The following KAT6A variants were observed in gnomAD, a reference collection of about 807,000 sequenced individuals.
KAT6A encodes lysine acetyltransferase 6A.
A neutral mutation model predicts 198.4 loss-of-function variants in KAT6A; 9 were observed. The ratio of observed to expected loss-of-function variants is 0.05; its 90% CI spans 0.03 to 0.08. The LOEUF is 0.08. Among genes scored for constraint, KAT6A ranks in the 10% least tolerant of loss-of-function variants. The probability of loss-of-function intolerance (pLI) is 1.00; values close to 1 mark genes in which losing one functional copy is unlikely to be tolerated. For synonymous variants in KAT6A, 890 were observed against 883.0 expected (o/e 1.01, Z -0.14); for missense variants, 2,077 against 2,509.9 (o/e 0.83, Z 3.69).
intron 8 of KAT6A, chr8:41,957,432 T>C (rs192292722): frequency 5.4e-6 from 2 of 372,222 alleles, no homozygotes; most frequent in African/African-American, 2.1e-5. Context: ...CAAACTGTCA[T>C]ATCTGAACTA....
In KAT6A at chr8:41,943,944, A is replaced by C. The variant is rs1253824009; in HGVS notation, c.2032T>G (p.Ser678Ala). The part of the protein sequence containing the change: ...LLSKREGQAG[S>A]PEKPLSDLGR... ...AGATCAGATAACGGTTTCTCTGGAG[A>C]CCCTGCTTGGCCTTCACGCTTTGAT... Residue 678 changes from serine (S) to alanine (A), a missense_variant, in exon 13 of 17, where the codon TCT (serine) becomes GCT (alanine). This residue lies in a region of KAT6A where 127 missense variants were observed against 209.6 expected (regional missense o/e 0.61). Transcript: ENST00000265713. 2 of 1,613,846 alleles carry C rather than the reference A, an allele frequency of 1.2e-6. No individual in the cohort carries two copies. The highest frequency in any genetic ancestry group is 1.7e-6 in the Non-Finnish European group (2 of 1,179,938).
chr8:42,019,951 T>C (rs1247448335), intron 2 of KAT6A, among the ~76,000 whole-genome samples: 1 of 152,214 alleles, frequency 6.6e-6, no homozygotes, highest in East Asian at 1.9e-4. Flanking sequence ...ATGTATAATA[T>C]ATTCTCAGGG....
chr8:41,959,959 A>G (rs1823111770), intron 8 of KAT6A, among the ~76,000 whole-genome samples: 3 of 151,592 alleles, frequency 2.0e-5, no homozygotes, highest in Admixed American at 1.3e-4. Context: ...CTGTCTTTAA[A>G]GAAAAAAAAA....
chr8:41,998,726 G>T (rs1386120943), intron 2 of KAT6A, among the ~76,000 whole-genome samples: 1 of 151,884 alleles, frequency 6.6e-6, no homozygotes, highest in East Asian at 1.9e-4. Flanking sequence ...TATCTGGGTG[G>T]ACTTTAATCT....
chr8:41,934,493 C>A lies in KAT6A; in HGVS notation c.3727G>T (p.Asp1243Tyr). The A allele has an allele frequency of 6.2e-7, 1 of 1,611,892 alleles. No individual in the cohort carries two copies. The highest frequency in any genetic ancestry group is 2.2e-5 in the East Asian group (1 of 44,850). ...AEEAEEGEEE[D>Y]AASSEVPAAS... ...GCTGGGACTTCACTGCTGGCTGCAT[C>A]CTCTTCCTCACCCTCTTCAGCCTCT... Residue 1243 changes from aspartate to tyrosine, a missense_variant, in exon 17 of 17, where the codon GAT (aspartate) becomes TAT (tyrosine). This residue lies in a region of KAT6A where 375 missense variants were observed against 383.0 expected (regional missense o/e 0.98). Transcript: ENST00000265713.
intron 2 of KAT6A, among the ~76,000 whole-genome samples, chr8:41,993,067 C>T (rs577093703): frequency 6.6e-6 from 1 of 152,302 alleles, no homozygotes; most frequent in African/African-American, 2.4e-5. Flanking sequence ...CTCTATGTCC[C>T]TGTATATTCC....
intron 2 of KAT6A, among the ~76,000 whole-genome samples, chr8:42,011,717 G>A (rs1826025398): frequency 6.6e-6 from 1 of 151,686 alleles, no homozygotes; most frequent in South Asian, 2.1e-4. Context: ...TCCAGCCTGG[G>A]CAACAAGAGT....
chr8:41,980,962 C>T, intron 4 of KAT6A, 35 bp from the exon 5 acceptor site: 1 of 1,384,222 alleles, frequency 7.2e-7, no homozygotes, highest in Non-Finnish European at 1.0e-6. Context: ...TTTGCTTAAC[C>T]TTATGAAGCA....
chr8:41,947,127 A>T (rs1198866159), intron 11 of KAT6A, among the ~76,000 whole-genome samples: 1 of 152,232 alleles, frequency 6.6e-6, no homozygotes, highest in South Asian at 2.1e-4. Flanking sequence ...AACTTTACAC[A>T]AAATAGTCAC....
chr8:41,941,575 T>A, intron 14 of KAT6A, 131 bp from the exon 15 acceptor site: 1 of 887,234 alleles, frequency 1.1e-6, no homozygotes, highest in Non-Finnish European at 1.7e-6. Context: ...ATCAGTTATT[T>A]AACATGGATA....
chr8:41,974,712 C>G lies in KAT6A; in HGVS notation c.1474G>C (p.Ala492Pro). ...TGAATATCCAACTTTACCTGCAGTGCTTGTTCTTGGATATCACGAAATAAT... is the reference window on the plus strand; with the variant it reads ...TGAATATCCAACTTTACCTGCAGTGGTTGTTCTTGGATATCACGAAATAAT... Reference protein sequence around the residue: ...MELFRDIQEQALQKVGVTGPP... With the variant: ...MELFRDIQEQPLQKVGVTGPP... Residue 492 changes from alanine to proline, a missense_variant, in exon 8 of 17, where the codon GCA becomes CCA. By Grantham distance (27) the Ala-to-Pro change is conservative (BLOSUM62 -1). This residue lies in a region of KAT6A where 206 missense variants were observed against 214.9 expected (regional missense o/e 0.96). Coordinates refer to ENST00000265713, the MANE Select transcript of KAT6A (RefSeq NM_006766.5). 1 of 1,599,722 alleles carries G rather than the reference C, an allele frequency of 6.3e-7. No individual in the cohort carries two copies. Among genetic ancestry groups the G allele is most frequent in the Non-Finnish European group, 8.6e-7 (1 of 1,169,394 alleles).
intron 3 of KAT6A, among the ~76,000 whole-genome samples, chr8:41,986,428 T>C (rs1286222089): frequency 6.6e-6 from 1 of 152,210 alleles, no homozygotes; most frequent in Non-Finnish European, 1.5e-5. Flanking sequence ...CCTGGTTCTA[T>C]TCATCAAGCC....
chr8:42,028,585 A>G (rs1249270866), intron 2 of KAT6A, among the ~76,000 whole-genome samples: 2 of 152,180 alleles, frequency 1.3e-5, no homozygotes, highest in Non-Finnish European at 2.9e-5. Flanking sequence ...TGCATAAAAT[A>G]TCTTGTTCCA....
At chr8:41,955,546 A>T (rs1822880361) in intron 8 of KAT6A, 135 bp from the exon 9 acceptor site, 1 of 595,330 alleles carries the variant, frequency 1.7e-6, no homozygotes, top group Non-Finnish European at 3.0e-6. Context: ...GAACAAGCTA[A>T]CATATTTTGA....
At chr8:41,937,609 T>A in intron 15 of KAT6A, 41 bp from the exon 16 acceptor site, 1 of 1,422,692 alleles carries the variant, frequency 7.0e-7, no homozygotes, top group Non-Finnish European at 9.6e-7. Context: ...TTATGAACAC[T>A]ATCTTTTCTA....
At chr8:41,994,207 A>G (rs1825080652) in intron 2 of KAT6A, among the ~76,000 whole-genome samples, 1 of 152,236 alleles carries the variant, frequency 6.6e-6, no homozygotes, top group South Asian at 2.1e-4. Flanking sequence ...AAATGACTTT[A>G]CACACCATTA....
In KAT6A at chr8:41,977,023, A is replaced by C. The variant is rs2150886326; in HGVS notation, c.1348T>G (p.Ser450Ala). ...AAACTCTTACCTGTGGGCCAATCTG[A>C]AGTGCTTGATTTCCTGTTGCCCCTC... is the stretch of plus-strand genomic sequence containing the variant. ...RKRGNRKSST[S>A]DWPTDNQDGW... Residue 450 changes from serine (S) to alanine (A), a missense_variant, in exon 7 of 17, where the codon TCA becomes GCA. Coordinates refer to ENST00000265713, the MANE Select transcript of KAT6A (RefSeq NM_006766.5). 1.2e-6 allele frequency: 2 copies of C among 1,607,460 alleles called. No homozygotes were observed. Among genetic ancestry groups the C allele is most frequent in the East Asian group, 4.5e-5 (2 of 44,786 alleles).
chr8:42,043,767 A>G (rs1348785494), intron 2 of KAT6A, among the ~76,000 whole-genome samples: 2 of 152,240 alleles, frequency 1.3e-5, no homozygotes, highest in Non-Finnish European at 1.5e-5. Flanking sequence ...GGCTATTACA[A>G]AGACTCTGGA....
intron 2 of KAT6A, among the ~76,000 whole-genome samples, chr8:42,002,266 G>A (rs1825532250): frequency 1.3e-5 from 2 of 152,184 alleles, no homozygotes; most frequent in African/African-American, 2.4e-5. Context: ...TCTGGCTCCA[G>A]AGCCTGCATT....
Sources: allele counts gnomAD v4.1 joint callset (sites outside exome capture counted in the v4.1 genomes callset), GRCh38; gene constraint gnomAD v4.1.1; regional missense constraint gnomAD v4.1.1; transcripts MANE v1.5; gene names NCBI Gene and HGNC (gene_info 2026-07-23, HGNC 2026-07-21).